CLEC18A: variants seen among roughly 807,000 people sequenced by gnomAD.
CLEC18A encodes the protein mannose receptor-like 1.
A neutral mutation model predicts 24.0 loss-of-function variants in CLEC18A; 5 were observed. The observed-to-expected ratio is 0.21, with a 90% confidence interval of 0.11 to 0.44. CLEC18A has a LOEUF of 0.44. Ranked by LOEUF, CLEC18A falls within the 20% of genes least tolerant of loss-of-function variation. The probability of loss-of-function intolerance (pLI) is 0.99; values close to 1 mark genes in which losing one functional copy is unlikely to be tolerated. For synonymous variants in CLEC18A, 29 were observed against 100.1 expected (o/e 0.29, Z 4.24); for missense variants, 83 against 233.4 (o/e 0.36, Z 4.20).
upstream of CLEC18A, among the ~76,000 whole-genome samples, chr16:69,946,437 G>A (rs866996143): frequency 6.7e-5 from 8 of 118,932 alleles, no homozygotes; most frequent in South Asian, 3.0e-4. Context: ...TCACTCTGTC[G>A]CCTAGTCTGG....
At chr16:69,955,047 C>T (rs1478746616) in intron 3 of CLEC18A, among the ~76,000 whole-genome samples, 1 of 152,082 alleles carries the variant, frequency 6.6e-6, no homozygotes, top group Non-Finnish European at 1.5e-5. Flanking sequence ...TCACCCCAGG[C>T]TGGAGTGCAG....
chr16:69,963,021 GA>G lies in CLEC18A; in HGVS notation c.1259del (p.Asn420ThrfsTer30). The G allele has an allele frequency of 6.2e-7, 1 of 1,613,102 alleles. No individual in the cohort carries two copies. The highest frequency in any genetic ancestry group is 8.5e-7 in the Non-Finnish European group (1 of 1,179,642). On this transcript the variant is annotated frameshift_variant, in exon 11 of 12. Transcript: ENST00000288040. LOFTEE classifies it high-confidence loss of function. ...ELQASAAFNW[N>X]DQRCKTRNRY... Reference sequence around the variant, plus strand: ...TGCAGGCTTCAGCTGCCTTCAACTGGAACGACCAGCGCTGCAAAACCCGAAA... The same window carrying G: ...TGCAGGCTTCAGCTGCCTTCAACTGGACGACCAGCGCTGCAAAACCCGAAA...
chr16:69,954,980 A>G (rs868711575), intron 3 of CLEC18A, among the ~76,000 whole-genome samples: 26 of 148,916 alleles, frequency 1.7e-4, no homozygotes, highest in South Asian at 1.5e-3. Flanking sequence ...GATTACAGGC[A>G]TGAGCCACTG....
downstream of CLEC18A, among the ~76,000 whole-genome samples, chr16:69,964,607 G>A (rs1211098353): frequency 6.7e-6 from 1 of 149,910 alleles, no homozygotes; most frequent in South Asian, 2.2e-4. Context: ...TCACGCCATT[G>A]TCCTGCCTCA....
upstream of CLEC18A, among the ~76,000 whole-genome samples, chr16:69,946,831 T>A (rs1324946085): frequency 1.4e-5 from 1 of 72,290 alleles, no homozygotes; most frequent in Non-Finnish European, 2.4e-5. Context: ...TTTTTTTTTT[T>A]ATACATTCCT....
chr16:69,954,425 C>T lies in CLEC18A; in HGVS notation c.308C>T (p.Thr103Ile), dbSNP rs766651540. ...AGCCTGGCGTCCGGCCTGTGGCGCACCCTGCAAGTGGGCTGGAACATGCAG... is the reference window on the plus strand; with the variant it reads ...AGCCTGGCGTCCGGCCTGTGGCGCATCCTGCAAGTGGGCTGGAACATGCAG... ...TPSLASGLWR[T>I]LQVGWNMQLL... is the part of the protein sequence containing the mutation. The change falls in exon 3 of 12, where the codon ACC becomes ATC. Residue 103 changes from threonine to isoleucine, a missense_variant. Physicochemically the swap from Thr to Ile is moderately conservative, Grantham distance 89. Transcript: ENST00000288040. 5.1e-5 allele frequency: 82 copies of T among 1,611,652 alleles called. 2 individuals carry two copies. Among genetic ancestry groups the T allele is most frequent in the Admixed American group, 1.2e-4 (7 of 59,794 alleles).
chr16:69,945,021 A>T, the CLEC18A span, among the ~76,000 whole-genome samples: 1 of 146,152 alleles, frequency 6.8e-6, no homozygotes, highest in African/African-American at 2.7e-5. Flanking sequence ...GCATGCCCAT[A>T]GTCCCAACTA....
At chr16:69,944,554 G>C in the CLEC18A span, among the ~76,000 whole-genome samples, 1 of 151,350 alleles carries the variant, frequency 6.6e-6, no homozygotes, top group Non-Finnish European at 1.5e-5. Context: ...AAAAGAAAAA[G>C]AAGGGCCAGG....
Position 69,954,450 on chromosome 16 carries a change from G to A in CLEC18A, c.333G>A (p.Gln111=). The A allele has an allele frequency of 6.3e-7, 1 of 1,586,914 alleles. No individual in the cohort carries two copies. Among genetic ancestry groups the A allele is most frequent in the Non-Finnish European group, 8.6e-7 (1 of 1,159,734 alleles). ...CCCTGCAAGTGGGCTGGAACATGCA[G>A]CTGCTACCCGCGGGCTTGGTGTCCT... is the stretch of plus-strand genomic sequence containing the variant. The part of the protein sequence containing the change: ...WRTLQVGWNM[Q]LLPAGLVSFV... Residue 111 remains glutamine, a synonymous_variant, in exon 3 of 12, where the codon CAG becomes CAA. Transcript: ENST00000288040.
chr16:69,958,575 C>T (rs1163453961), intron 3 of CLEC18A, among the ~76,000 whole-genome samples: 1 of 8,768 alleles, frequency 1.1e-4, no homozygotes, highest in Non-Finnish European at 1.5e-4. Flanking sequence ...GAAGCCCTGT[C>T]GCTACTAAAA....
chr16:69,964,689 G>C (rs1186240220), downstream of CLEC18A, among the ~76,000 whole-genome samples: 16 of 150,886 alleles, frequency 1.1e-4, no homozygotes, highest in African/African-American at 3.9e-4. Context: ...ATTTTTAGTA[G>C]AGACGGGGTT....
upstream of CLEC18A, among the ~76,000 whole-genome samples, chr16:69,945,834 T>A (rs1597202881): frequency 6.6e-6 from 1 of 152,282 alleles, no homozygotes; most frequent in East Asian, 1.9e-4. Context: ...GGCTCATGCC[T>A]GTAATTTCAG....
intron 2 of CLEC18A, 147 bp downstream of exon 2, chr16:69,952,273 C>CAA: frequency 1.4e-5 from 9 of 624,062 alleles, no homozygotes; most frequent in Non-Finnish European, 1.8e-5. Context: ...CCCTGAGGGA[C>CAA]GGAGGCCCTG....
chr16:69,947,753 T>C (rs1312567263), upstream of CLEC18A, among the ~76,000 whole-genome samples: 1 of 60,758 alleles, frequency 1.6e-5, no homozygotes, highest in African/African-American at 4.7e-5. Context: ...CTCATTCTGT[T>C]GCCCAGGCTG....
At chr16:69,959,146 C>T in intron 4 of CLEC18A, 107 bp downstream of exon 4, 1 of 4,672 alleles carries the variant, frequency 2.1e-4, no homozygotes, top group Non-Finnish European at 4.0e-4. Flanking sequence ...TCCCTGATGC[C>T]TTGCTCTGCA....
intron 2 of CLEC18A, chr16:69,953,447 CTCAGGGAGTCTCGGGAGA>C (rs1391221641): frequency 6.6e-6 from 1 of 151,048 alleles, no homozygotes. Flanking sequence ...TACAGATGAG[CTCAGGGAGTCTCGGGAGA>C]TCAGGGGACT....
upstream of CLEC18A, among the ~76,000 whole-genome samples, chr16:69,945,796 A>G (rs947341425): frequency 2.0e-5 from 3 of 152,256 alleles, no homozygotes; most frequent in African/African-American, 7.2e-5. Context: ...TGTCTCTACT[A>G]AAAATACAAA....
In CLEC18A at chr16:69,954,378, C is replaced by T; in HGVS notation, c.261C>T (p.Ala87=). The change falls in exon 3 of 12, where the codon GCC becomes GCT. Residue 87 remains alanine (A), a synonymous_variant. Coordinates refer to ENST00000288040, the MANE Select transcript of CLEC18A (RefSeq NM_001370523.4). The stretch of plus-strand genomic sequence containing the variant: ...CCCAGCTGGCTCAAGCCAGGGCAGC[C>T]CTCTGTGGAACCCCAACCCCGAGCC... ...SLAQLAQARA[A]LCGTPTPSLA... 6.2e-7 allele frequency: 1 copy of T among 1,608,752 alleles called. No homozygotes were observed.
upstream of CLEC18A, among the ~76,000 whole-genome samples, chr16:69,946,618 G>A (rs2058911852): frequency 6.8e-6 from 1 of 147,284 alleles, no homozygotes; most frequent in Admixed American, 6.9e-5. Flanking sequence ...TGGCCAGGCT[G>A]GTCTTGAACT....
Sources: allele counts gnomAD v4.1 joint callset (sites outside exome capture counted in the v4.1 genomes callset), GRCh38; gene constraint gnomAD v4.1.1; transcripts MANE v1.5; gene names NCBI Gene and HGNC (gene_info 2026-07-23, HGNC 2026-07-21).